The following POC1B variants were observed in gnomAD, a reference collection of about 807,000 sequenced individuals.
The protein encoded by POC1B is POC1 centriolar protein homolog B.
In POC1B, 44 loss-of-function variants were observed where a neutral mutation model predicts 60.6. The observed-to-expected ratio is 0.73, with a 90% CI of 0.57 to 0.93. POC1B has a LOEUF of 0.93. POC1B is among the 40% of genes least tolerant of loss of function. POC1B has a pLI of 0.00. For missense variants in POC1B, 555 were observed against 572.3 expected, an observed-to-expected ratio of 0.97 and a Z score of 0.31; for synonymous variants, 180 against 198.9, an observed-to-expected ratio of 0.90 and a Z score of 0.80.
intron 3 of POC1B, among the ~76,000 whole-genome samples, chr12:89,493,471 C>T (rs1287949819): frequency 6.6e-6 from 1 of 152,100 alleles, no homozygotes; most frequent in African/African-American, 2.4e-5. Context: ...GGAAAGGTAA[C>T]TTTATCATAA....
intron 2 of POC1B, among the ~76,000 whole-genome samples, chr12:89,497,572 C>T (rs1293861036): frequency 6.6e-6 from 1 of 152,070 alleles, no homozygotes; most frequent in African/African-American, 2.4e-5. Flanking sequence ...GATGACTGGC[C>T]CCCGTATTCA....
At chr12:89,524,518 C>A in intron 2 of POC1B, 1 of 1,611,958 alleles carries the variant, frequency 6.2e-7, no homozygotes, top group Non-Finnish European at 8.5e-7. Context: ...CAGCAGGCAG[C>A]TCTTGCCTGC....
At chr12:89,473,666 GAAAAAA>G (rs1163868772) in intron 4 of POC1B, among the ~76,000 whole-genome samples, 1 of 109,172 alleles carries the variant, frequency 9.2e-6, no homozygotes, top group Non-Finnish European at 1.7e-5. Flanking sequence ...CCTCAGAAAA[GAAAAAA>G]AAAAAAAAAA....
intron 1 of POC1B, chr12:89,525,629 T>TGGGGCCGC (rs1465376962): frequency 7.8e-7 from 1 of 1,274,730 alleles, no homozygotes; most frequent in Non-Finnish European, 9.9e-7. Context: ...CTGGGGGCCG[T>TGGGGCCGC]GGGGCCGCCC....
intron 5 of POC1B, 125 bp downstream of exon 5, chr12:89,472,042 AC>A: frequency 1.4e-6 from 1 of 694,662 alleles, no homozygotes; most frequent in Non-Finnish European, 2.4e-6. Flanking sequence ...TGCTGGCATT[AC>A]AGGCGTGAGC....
chr12:89,445,110 C>T (rs145485557), intron 10 of POC1B, among the ~76,000 whole-genome samples: 7,219 of 152,016 alleles, frequency 0.047, 277 homozygotes, highest in South Asian at 0.15. Flanking sequence ...TAAAAGAGGC[C>T]ACAAATAAAT....
intron 10 of POC1B, 58 bp from the exon 11 acceptor site, chr12:89,425,437 A>C: frequency 1.4e-6 from 2 of 1,382,898 alleles, no homozygotes; most frequent in East Asian, 4.9e-5. Context: ...AAAATGATAT[A>C]TATAAAAGTT....
At chr12:89,488,852 C>T (rs746717959) in intron 4 of POC1B, among the ~76,000 whole-genome samples, 2 of 152,054 alleles carry the variant, frequency 1.3e-5, no homozygotes, top group East Asian at 1.9e-4. Flanking sequence ...TTAAATCAAC[C>T]GTCACGTTTT....
downstream of POC1B, among the ~76,000 whole-genome samples, chr12:89,416,290 T>C (rs891984407): frequency 1.3e-5 from 2 of 152,080 alleles, no homozygotes; most frequent in African/African-American, 4.8e-5. Flanking sequence ...AGCTGCCTTT[T>C]AAAGGATGAA....
intron 11 of POC1B, among the ~76,000 whole-genome samples, chr12:89,424,443 T>A (rs563627402): frequency 1.3e-5 from 2 of 152,328 alleles, no homozygotes; most frequent in African/African-American, 4.8e-5. Context: ...GCAATTGACA[T>A]CTCTGTAGTT....
Position 89,467,694 on chromosome 12 carries a change from T to C in POC1B, c.811-9A>G. 6.3e-7 allele frequency: 1 copy of C among 1,595,952 alleles called. No homozygotes were observed. Among genetic ancestry groups the C allele is most frequent in the Non-Finnish European group, 8.6e-7 (1 of 1,166,452 alleles). On this transcript the variant is annotated splice_polypyrimidine_tract_variant and intron_variant, in intron 7 of 11. Coordinates refer to ENST00000313546, the MANE Select transcript of POC1B (RefSeq NM_172240.3). ...ACAGTAAAGACAGGTCCCTGAGAAA[T>C]AAAGGGAAATAAAGAAAAAAAGTAC...
intron 3 of POC1B, among the ~76,000 whole-genome samples, chr12:89,495,887 G>A (rs900775880): frequency 7.9e-5 from 12 of 151,836 alleles, no homozygotes; most frequent in African/African-American, 2.7e-4. Context: ...TCAGCCTCCC[G>A]AGTAGCTGGG....
In POC1B at chr12:89,497,220, A is replaced by G. The variant is rs752734037; in HGVS notation, c.223T>C (p.Leu75=). 4.3e-6 allele frequency: 7 copies of G among 1,613,986 alleles called. No individual in the cohort carries two copies. The highest frequency in any genetic ancestry group is 1.3e-5 in the African/African-American group (1 of 75,048). Residue 75 remains leucine, a synonymous_variant, in exon 3 of 12, where the codon TTG becomes CTG. Coordinates refer to ENST00000313546, the MANE Select transcript of POC1B (RefSeq NM_172240.3). ...GTTCTGTCTCGTGAGGCAGACGCCAATAAGTTTCCATGTGGAGAAAACTGC... is the reference window on the plus strand; with the variant it reads ...GTTCTGTCTCGTGAGGCAGACGCCAGTAAGTTTCCATGTGGAGAAAACTGC... ...SVQFSPHGNL[L]ASASRDRTVR... is the part of the protein sequence containing the mutation.
intron 4 of POC1B, among the ~76,000 whole-genome samples, chr12:89,486,346 T>C (rs1472731758): frequency 6.6e-6 from 1 of 152,038 alleles, no homozygotes; most frequent in Non-Finnish European, 1.5e-5. Context: ...AGCAGAAACC[T>C]TTCTTGGAGG....
chr12:89,429,597 T>G (rs566929425), intron 10 of POC1B: 28 of 152,340 alleles, frequency 1.8e-4, no homozygotes, highest in African/African-American at 6.3e-4. Flanking sequence ...CATCTATCTA[T>G]ACATACTATC....
intron 2 of POC1B, chr12:89,524,661 T>C: frequency 8.7e-7 from 1 of 1,155,306 alleles, no homozygotes; most frequent in South Asian, 1.5e-5. Flanking sequence ...CTTCCTTTCA[T>C]GCAGGCGCTA....
chr12:89,428,287 A>T (rs778893605), intron 10 of POC1B: 1 of 152,182 alleles, frequency 6.6e-6, no homozygotes, highest in Non-Finnish European at 1.5e-5. Context: ...ATCCTTCTTG[A>T]CCTCCAAATT....
chr12:89,426,318 T>C (rs1880762674), intron 10 of POC1B: 1 of 152,176 alleles, frequency 6.6e-6, no homozygotes, highest in Non-Finnish European at 1.5e-5. Flanking sequence ...ATAGTGATGA[T>C]GGTTATAAAA....
At chr12:89,523,337 C>T in intron 2 of POC1B, 7 of 1,614,070 alleles carry the variant, frequency 4.3e-6, no homozygotes, top group Non-Finnish European at 5.9e-6. Context: ...TCACCATAAG[C>T]TTCTTTTCTT....
Sources: allele counts gnomAD v4.1 joint callset (sites outside exome capture counted in the v4.1 genomes callset), GRCh38; gene constraint gnomAD v4.1.1; transcripts MANE v1.5; gene names NCBI Gene and HGNC (gene_info 2026-07-23, HGNC 2026-07-21).